ZSCAN25: variants seen among roughly 807,000 people sequenced by gnomAD.
ZSCAN25 encodes the protein zinc finger and SCAN domain-containing protein 25.
ZSCAN25 carries 27 observed loss-of-function variants against 38.7 expected under a neutral mutation model. The ratio of observed to expected loss-of-function variants is 0.70; its 90% confidence interval spans 0.51 to 0.96. ZSCAN25 has a LOEUF of 0.96. Among genes scored for constraint, ZSCAN25 ranks in the 40% least tolerant of loss-of-function variants. The probability of loss-of-function intolerance (pLI) is 0.00; values close to 1 mark genes in which losing one functional copy is unlikely to be tolerated. For missense variants in ZSCAN25, 637 were observed against 705.9 expected, an observed-to-expected ratio of 0.90 and a Z score of 1.11; for synonymous variants, 273 against 277.7, an observed-to-expected ratio of 0.98 and a Z score of 0.17.
the ZSCAN25 span, chr7:99,672,827 AG>A: frequency 6.8e-7 from 1 of 1,472,432 alleles, no homozygotes; most frequent in Non-Finnish European, 9.0e-7. Flanking sequence ...CTAGTTCATT[AG>A]GGTGTGACAC....
chr7:99,618,776 C>G (rs1003199243), intron 2 of ZSCAN25, 125 bp downstream of exon 2: 9 of 152,234 alleles, frequency 5.9e-5, no homozygotes, highest in Non-Finnish European at 1.2e-4. Context: ...ATAATTCTTT[C>G]TGTGGCGCAG....
At chr7:99,686,056 C>T in the ZSCAN25 span, among the ~76,000 whole-genome samples, 94 of 152,184 alleles carry the variant, frequency 6.2e-4, 1 homozygote, top group Non-Finnish European at 2.5e-4. Flanking sequence ...GGAACAGCTC[C>T]GGTCTACAGC....
At chr7:99,676,425 G>C in the ZSCAN25 span, 1 of 1,483,886 alleles carries the variant, frequency 6.7e-7, no homozygotes, top group Non-Finnish European at 9.0e-7. Flanking sequence ...GCTGAAAGCA[G>C]CTGAAGTCTT....
the ZSCAN25 span, among the ~76,000 whole-genome samples, chr7:99,653,090 C>T: frequency 6.6e-6 from 1 of 152,052 alleles, no homozygotes; most frequent in Non-Finnish European, 1.5e-5. The surrounding 1 kb of genome is among the most constrained non-coding windows in gnomAD (Gnocchi z 4.2). Flanking sequence ...GGGGCTATGA[C>T]CATTACCACC....
At chr7:99,662,926 G>T in the ZSCAN25 span, 1 of 1,610,326 alleles carries the variant, frequency 6.2e-7, no homozygotes, top group Non-Finnish European at 8.5e-7. The surrounding 1 kb of genome is among the most constrained non-coding windows in gnomAD (Gnocchi z 4.3). Context: ...AGTGACTCGT[G>T]AAGTCAGAAG....
At chr7:99,700,873 C>G in the ZSCAN25 span, among the ~76,000 whole-genome samples, 2 of 152,158 alleles carry the variant, frequency 1.3e-5, no homozygotes, top group African/African-American at 2.4e-5. Context: ...TCAGATGCAG[C>G]CAGCACTGTT....
the ZSCAN25 span, chr7:99,676,058 G>A: frequency 6.7e-7 from 1 of 1,482,854 alleles, no homozygotes; most frequent in Admixed American, 1.7e-5. Flanking sequence ...TTTACTGATG[G>A]AACTAAGCTG....
In ZSCAN25 at chr7:99,630,269, G is replaced by T. The variant is rs1401976360; in HGVS notation, c.*249G>T. 5 of 1,297,064 alleles carry T rather than the reference G, an allele frequency of 3.9e-6. No homozygotes were observed. The South Asian group carries it at 7.3e-5, about 19-fold the overall frequency. 80.3% of individuals were successfully genotyped at this position (1,297,064 alleles called of 1,614,324 possible). On this transcript the variant is annotated 3_prime_UTR_variant, in exon 8 of 8. Coordinates refer to ENST00000394152, the MANE Select transcript of ZSCAN25 (RefSeq NM_145115.3). ...AGCAGTCTCCTGCGGTTCAGTTCAG[G>T]CTGAGATTTTCTCCTTCAGTGGACT... is the stretch of plus-strand genomic sequence containing the variant.
chr7:99,677,278 C>T, the ZSCAN25 span: 2 of 983,328 alleles, frequency 2.0e-6, no homozygotes, highest in Non-Finnish European at 2.4e-6. Context: ...GGTTGCCAGA[C>T]ACTGATTCAG....
chr7:99,628,380 C>G (rs1807677751), intron 7 of ZSCAN25, among the ~76,000 whole-genome samples: 1 of 152,126 alleles, frequency 6.6e-6, no homozygotes, highest in Admixed American at 6.5e-5. Flanking sequence ...TCTTTGTTCC[C>G]CAATACCTTT....
chr7:99,640,088 C>T, the ZSCAN25 span, among the ~76,000 whole-genome samples: 3 of 152,282 alleles, frequency 2.0e-5, no homozygotes, highest in South Asian at 2.1e-4. Flanking sequence ...ACTTAAAGGT[C>T]AAATAGGCAT....
the ZSCAN25 span, among the ~76,000 whole-genome samples, chr7:99,710,429 C>A: frequency 2.0e-5 from 3 of 152,256 alleles, no homozygotes; most frequent in Non-Finnish European, 4.4e-5. Flanking sequence ...ACTATCAAGA[C>A]GTGTGAGCAA....
the ZSCAN25 span, among the ~76,000 whole-genome samples, chr7:99,723,305 G>T: frequency 6.6e-6 from 1 of 152,074 alleles, no homozygotes; most frequent in South Asian, 2.1e-4. Flanking sequence ...CCAACTGATC[G>T]ATTGATCGAC....
chr7:99,665,774 C>T, the ZSCAN25 span, among the ~76,000 whole-genome samples: 1 of 152,226 alleles, frequency 6.6e-6, no homozygotes, highest in Non-Finnish European at 1.5e-5. Flanking sequence ...AACAGTAACA[C>T]CCTGTTCTGA....
chr7:99,692,063 T>C, the ZSCAN25 span, among the ~76,000 whole-genome samples: 1 of 152,252 alleles, frequency 6.6e-6, no homozygotes, highest in Non-Finnish European at 1.5e-5. Flanking sequence ...TAGTGCTTCC[T>C]TCAGGAGCTC....
At chr7:99,638,623 T>C in the ZSCAN25 span, 3 of 1,585,594 alleles carry the variant, frequency 1.9e-6, no homozygotes, top group Non-Finnish European at 2.6e-6. Flanking sequence ...TGTCTCCACG[T>C]TGAAACCCAC....
downstream of ZSCAN25, among the ~76,000 whole-genome samples, chr7:99,634,906 C>T (rs971131694): frequency 3.9e-5 from 6 of 152,280 alleles, no homozygotes; most frequent in East Asian, 1.2e-3. Context: ...CATGCCACTG[C>T]ACTCCAGCCT....
the ZSCAN25 span, among the ~76,000 whole-genome samples, chr7:99,724,316 A>G: frequency 7.2e-5 from 11 of 152,144 alleles, no homozygotes; most frequent in African/African-American, 2.7e-4. Context: ...ATAGCCAGAA[A>G]ATGACACTTT....
At chr7:99,710,589 T>C in the ZSCAN25 span, 1 of 1,467,906 alleles carries the variant, frequency 6.8e-7, no homozygotes, top group Non-Finnish European at 9.1e-7. Flanking sequence ...GCTTCCTTCT[T>C]TTTATTTTGA....
Sources: allele counts gnomAD v4.1 joint callset (sites outside exome capture counted in the v4.1 genomes callset), GRCh38; gene constraint gnomAD v4.1.1; non-coding constraint Gnocchi (gnomAD v3.1); transcripts MANE v1.5; gene names NCBI Gene and HGNC (gene_info 2026-07-23, HGNC 2026-07-21).